STXBP5L: variants seen among roughly 807,000 people sequenced by gnomAD.
The protein encoded by STXBP5L is syntaxin-binding protein 5-like.
A neutral mutation model predicts 144.5 loss-of-function variants in STXBP5L; 65 were observed. The ratio of observed to expected loss-of-function variants is 0.45; its 90% confidence interval spans 0.37 to 0.55. The LOEUF is 0.55. STXBP5L is among the 20% of genes least tolerant of loss of function. The pLI, the probability that STXBP5L is intolerant of heterozygous loss-of-function variation, is 0.00. For synonymous variants in STXBP5L, 505 were observed against 469.6 expected, an observed-to-expected ratio of 1.08 and a Z score of -0.97; for missense variants, 1,298 against 1,405.5, an observed-to-expected ratio of 0.92 and a Z score of 1.22.
chr3:121,254,931 A>T lies in STXBP5L; in HGVS notation c.1478A>T (p.Lys493Ile). ...LQMLYKLKTS[K>I]VFEKQKVGEG... ...ATGCTGTACAAGCTAAAAACTTCAA[A>T]AGTGTTTGAAAAACAGAAGGTAGGA... Residue 493 changes from lysine (K) to isoleucine (I), a missense_variant, in exon 16 of 27, where the codon AAA becomes ATA. Transcript: ENST00000471454. 1.2e-6 allele frequency: 2 copies of T among 1,613,506 alleles called. No individual in the cohort carries two copies. The highest frequency in any genetic ancestry group is 1.7e-6 in the Non-Finnish European group (2 of 1,179,636).
intron 3 of STXBP5L, among the ~76,000 whole-genome samples, chr3:120,981,383 C>G (rs886435062): frequency 5.3e-5 from 8 of 152,032 alleles, no homozygotes; most frequent in Non-Finnish European, 1.0e-4. Flanking sequence ...AGGCTCTGCT[C>G]ATTTTTATTC....
chr3:121,071,108 C>T (rs1002458835), intron 5 of STXBP5L, among the ~76,000 whole-genome samples: 1 of 152,120 alleles, frequency 6.6e-6, no homozygotes, highest in Non-Finnish European at 1.5e-5. Flanking sequence ...TGATGACAGA[C>T]ATCCTGGTCC....
chr3:120,975,480 C>G (rs1483204725), intron 3 of STXBP5L, among the ~76,000 whole-genome samples: 1 of 152,208 alleles, frequency 6.6e-6, no homozygotes, highest in African/African-American at 2.4e-5. Context: ...CAATTCATGT[C>G]ATCTGCAAAC....
chr3:121,036,066 G>A (rs933636193), intron 3 of STXBP5L, among the ~76,000 whole-genome samples: 1 of 152,100 alleles, frequency 6.6e-6, no homozygotes, highest in Non-Finnish European at 1.5e-5. Context: ...GGGCATGGTG[G>A]CTCACAACTG....
At chr3:121,146,780 G>A (rs9289164) in intron 7 of STXBP5L, among the ~76,000 whole-genome samples, 15,092 of 152,024 alleles carry the variant, frequency 0.099, 1,178 homozygotes, top group Admixed American at 0.2. Context: ...AGCAGAAGAT[G>A]TAATAATCCT....
intron 20 of STXBP5L, among the ~76,000 whole-genome samples, chr3:121,319,697 G>T (rs2043905488): frequency 6.6e-6 from 1 of 152,066 alleles, no homozygotes; most frequent in Non-Finnish European, 1.5e-5. Flanking sequence ...AATTAATGTT[G>T]CATGTCATGT....
chr3:121,221,299 T>G (rs1031060412), intron 10 of STXBP5L, among the ~76,000 whole-genome samples: 2 of 151,806 alleles, frequency 1.3e-5, no homozygotes, highest in Non-Finnish European at 2.9e-5. Flanking sequence ...TTACTTCCTT[T>G]CAATATTAGA....
In STXBP5L at chr3:121,161,491, T is replaced by C. The variant is rs1056120030; in HGVS notation, c.877+3864T>C. On this transcript the variant is annotated intron_variant, in intron 9 of 26. Coordinates refer to ENST00000471454, the MANE Select transcript of STXBP5L (RefSeq NM_001308330.2). Reference sequence around the variant, plus strand: ...TATCTTTTATTTTCAGCAATTTGACTACTTTATGTCTAGGCTTGGTTTCTT... The same window carrying C: ...TATCTTTTATTTTCAGCAATTTGACCACTTTATGTCTAGGCTTGGTTTCTT... 2.0e-5 allele frequency among the ~76,000 whole-genome samples: 3 copies of C among 151,992 alleles called. No individual in the cohort carries two copies. In the East Asian group the frequency reaches 5.8e-4, roughly 29 times the overall value.
intron 20 of STXBP5L, among the ~76,000 whole-genome samples, chr3:121,363,204 T>C (rs977653692): frequency 4.6e-5 from 7 of 152,278 alleles, no homozygotes; most frequent in African/African-American, 1.4e-4. Flanking sequence ...CCTGGGGTTA[T>C]GGGAGAGGTG....
At chr3:121,158,566 GC>G (rs1233645696) in intron 9 of STXBP5L, 1 of 152,086 alleles carries the variant, frequency 6.6e-6, no homozygotes, top group Non-Finnish European at 1.5e-5. Flanking sequence ...TTAGTCTTTA[GC>G]TGGTTTACTT....
chr3:121,006,448 C>G (rs538642493), intron 3 of STXBP5L, among the ~76,000 whole-genome samples: 7 of 152,160 alleles, frequency 4.6e-5, no homozygotes, highest in Non-Finnish European at 8.8e-5. Flanking sequence ...ATGTGTGTCC[C>G]TGCACGTGAG....
intron 9 of STXBP5L, among the ~76,000 whole-genome samples, chr3:121,184,844 C>G (rs533622498): frequency 6.6e-6 from 1 of 152,294 alleles, no homozygotes; most frequent in Non-Finnish European, 1.5e-5. Context: ...AAAGGAAAGC[C>G]TATCGGACTA....
At chr3:121,367,454 G>T (rs1214295945) in intron 20 of STXBP5L, among the ~76,000 whole-genome samples, 4 of 151,822 alleles carry the variant, frequency 2.6e-5, no homozygotes, top group Non-Finnish European at 5.9e-5. Flanking sequence ...TAAATATATT[G>T]ATTCCTGCCT....
chr3:121,243,391 T>G (rs2049732824), intron 14 of STXBP5L, among the ~76,000 whole-genome samples: 2 of 152,128 alleles, frequency 1.3e-5, no homozygotes, highest in African/African-American at 4.8e-5. Context: ...ATAAAAGGTT[T>G]GAGAGGCTCT....
rs1159694472 is a variant in STXBP5L at position 121,026,009 on chromosome 3, AT to A, written c.288-15690del. ...TATTAGTATTATCAATATATTATAT[AT>A]AAATATATTTATAATTTTATAAGTT... On this transcript the variant is annotated intron_variant, in intron 3 of 26. Coordinates refer to ENST00000471454, the MANE Select transcript of STXBP5L (RefSeq NM_001308330.2). 4.9e-5 allele frequency among the ~76,000 whole-genome samples: 7 copies of A among 143,806 alleles called. No homozygotes were observed. The South Asian group carries it at 1.0e-3, about 22-fold the overall frequency. 94.3% of individuals were successfully genotyped at this position (143,806 alleles called of 152,430 possible).
At chr3:121,153,429 C>T (rs9289165) in intron 8 of STXBP5L, among the ~76,000 whole-genome samples, 15,085 of 151,820 alleles carry the variant, frequency 0.099, 1,178 homozygotes, top group Admixed American at 0.2. Context: ...AAATTTATGT[C>T]CAGTAAAACC....
intron 19 of STXBP5L, among the ~76,000 whole-genome samples, chr3:121,313,088 G>A (rs2043604392): frequency 1.4e-5 from 2 of 147,838 alleles, no homozygotes; most frequent in Admixed American, 1.3e-4. Context: ...CCGGGCGGGG[G>A]GCTGACCCCC....
intron 3 of STXBP5L, among the ~76,000 whole-genome samples, chr3:121,007,422 T>A (rs946030240): frequency 2.8e-4 from 43 of 152,162 alleles, no homozygotes; most frequent in African/African-American, 1.0e-3. Flanking sequence ...TTTGCATCTA[T>A]TCTATATTTG....
intron 3 of STXBP5L, among the ~76,000 whole-genome samples, chr3:120,967,207 G>T (rs561617720): frequency 6.6e-6 from 1 of 152,064 alleles, no homozygotes; most frequent in Non-Finnish European, 1.5e-5. Flanking sequence ...GTCTGTCACC[G>T]CTTCCCTTGG....
Sources: allele counts gnomAD v4.1 joint callset (sites outside exome capture counted in the v4.1 genomes callset), GRCh38; gene constraint gnomAD v4.1.1; transcripts MANE v1.5; gene names NCBI Gene and HGNC (gene_info 2026-07-23, HGNC 2026-07-21).